KCNN2: variants seen among roughly 807,000 people sequenced by gnomAD.
KCNN2 encodes small conductance calcium-activated potassium channel protein 2.
In KCNN2, 24 loss-of-function variants were observed where a neutral mutation model predicts 55.5. The observed-to-expected ratio is 0.43, with a 90% CI of 0.31 to 0.61. KCNN2 has a LOEUF of 0.61. Among genes scored for constraint, KCNN2 ranks in the 20% least tolerant of loss-of-function variants. The probability of loss-of-function intolerance (pLI) is 0.08; values close to 1 mark genes in which losing one functional copy is unlikely to be tolerated. For missense variants in KCNN2, 754 were observed against 853.6 expected (o/e 0.88, Z 1.45); for synonymous variants, 431 against 336.1 (o/e 1.28, Z -3.09).
chr5:114,221,005 T>A (rs1306274050), intron 1 of KCNN2, among the ~76,000 whole-genome samples: 23 of 152,230 alleles, frequency 1.5e-4, no homozygotes, highest in Admixed American at 1.4e-3. Flanking sequence ...TCTCATACAG[T>A]GACCCAAGTA....
intron 2 of KCNN2, among the ~76,000 whole-genome samples, chr5:114,356,338 G>A (rs534413659): frequency 6.6e-6 from 1 of 152,258 alleles, no homozygotes; most frequent in Admixed American, 6.5e-5. Flanking sequence ...AAACTAGAAT[G>A]TGCTGTCTGC....
At chr5:114,165,061 G>A (rs910726018) in intron 1 of KCNN2, among the ~76,000 whole-genome samples, 2 of 152,216 alleles carry the variant, frequency 1.3e-5, no homozygotes, top group South Asian at 2.1e-4. Context: ...GTTAAAGGTC[G>A]GATACAAATC....
chr5:114,304,087 G>C (rs1018728200), intron 2 of KCNN2, among the ~76,000 whole-genome samples: 2 of 152,126 alleles, frequency 1.3e-5, no homozygotes, highest in African/African-American at 4.8e-5. Flanking sequence ...AATAGAGTTA[G>C]ACTAAGCTCT....
At chr5:114,443,963 T>G (rs1465080307) in intron 3 of KCNN2, among the ~76,000 whole-genome samples, 1 of 152,212 alleles carries the variant, frequency 6.6e-6, no homozygotes, top group Admixed American at 6.5e-5. Context: ...CTTTTCATTC[T>G]AAGCAGTGGG....
At chr5:114,228,714 ACTT>A (rs1754291047) in intron 2 of KCNN2, among the ~76,000 whole-genome samples, 1 of 152,048 alleles carries the variant, frequency 6.6e-6, no homozygotes, top group Non-Finnish European at 1.5e-5. Context: ...TCAGATTATG[ACTT>A]CTTCATAATT....
chr5:114,099,830 G>A (rs1751338802), intron 1 of KCNN2, among the ~76,000 whole-genome samples: 1 of 151,804 alleles, frequency 6.6e-6, no homozygotes, highest in Admixed American at 6.6e-5. Flanking sequence ...TTATATTTTT[G>A]ACATTAGAGA....
chr5:114,451,031 T>C (rs1007205874), intron 3 of KCNN2, among the ~76,000 whole-genome samples: 1 of 152,224 alleles, frequency 6.6e-6, no homozygotes, highest in African/African-American at 2.4e-5. Context: ...ACCGTCTGTG[T>C]TCTTATAGGT....
chr5:114,084,806 C>A (rs1249812946), intron 1 of KCNN2, among the ~76,000 whole-genome samples: 1 of 151,882 alleles, frequency 6.6e-6, no homozygotes, highest in Non-Finnish European at 1.5e-5. Context: ...GGTTTTACAA[C>A]TAGGTCTATG....
At chr5:114,056,864 G>C (rs565678706) in intron 1 of KCNN2, among the ~76,000 whole-genome samples, 1 of 151,844 alleles carries the variant, frequency 6.6e-6, no homozygotes, top group South Asian at 2.1e-4. Context: ...TCTTTTTCCT[G>C]TCTATGAAAA....
At chr5:114,112,247 A>C (rs1028942408) in intron 1 of KCNN2, among the ~76,000 whole-genome samples, 3 of 152,150 alleles carry the variant, frequency 2.0e-5, no homozygotes, top group African/African-American at 7.2e-5. Context: ...CAAACACTGC[A>C]TGTTCTCACT....
At chr5:114,093,401 C>T (rs916340663) in intron 1 of KCNN2, among the ~76,000 whole-genome samples, 1 of 152,172 alleles carries the variant, frequency 6.6e-6, no homozygotes, top group African/African-American at 2.4e-5. Context: ...TCTTCTGAGC[C>T]CTCCAAACTG....
At chr5:114,094,292 T>G (rs1751211197) in intron 1 of KCNN2, among the ~76,000 whole-genome samples, 1 of 152,114 alleles carries the variant, frequency 6.6e-6, no homozygotes, top group African/African-American at 2.4e-5. Flanking sequence ...ACAGAATAGA[T>G]TATCTGTAGA....
chr5:114,345,232 C>G (rs1299012465), intron 2 of KCNN2, among the ~76,000 whole-genome samples: 1 of 152,076 alleles, frequency 6.6e-6, no homozygotes, highest in Non-Finnish European at 1.5e-5. Flanking sequence ...GAATACACTA[C>G]TCTTTGTGGA....
chr5:114,336,887 G>A (rs1756932872), intron 2 of KCNN2, among the ~76,000 whole-genome samples: 1 of 152,174 alleles, frequency 6.6e-6, no homozygotes, highest in African/African-American at 2.4e-5. Context: ...GGGGAAGAGA[G>A]GCACAAGAAG....
intron 2 of KCNN2, among the ~76,000 whole-genome samples, chr5:114,336,718 T>C (rs969122095): frequency 1.3e-5 from 2 of 152,176 alleles, no homozygotes; most frequent in Non-Finnish European, 2.9e-5. Context: ...TCTTTGAGAA[T>C]GTAATATTAA....
chr5:114,385,651 T>C (rs1390435770), intron 2 of KCNN2, among the ~76,000 whole-genome samples: 1 of 152,094 alleles, frequency 6.6e-6, no homozygotes, highest in Non-Finnish European at 1.5e-5. Flanking sequence ...TATACCACTT[T>C]CACCCAGGTG....
At position 114,175,458 on chromosome 5, in the gene KCNN2, A is replaced by G. The variant is rs114320573; in HGVS notation, c.-270-46022A>G. Among the ~76,000 whole-genome samples the G allele has an allele frequency of 7.9e-3, 1,205 of 152,282 alleles. 18 individuals carry two copies. Among genetic ancestry groups the G allele is most frequent in the African/African-American group, 0.027 (1,122 of 41,572 alleles). ...GGTGTACATGTCAAAGGTAAATAACATTTATAATCACATATGGTGGGATCT... is the reference window on the plus strand; with the variant it reads ...GGTGTACATGTCAAAGGTAAATAACGTTTATAATCACATATGGTGGGATCT... On this transcript the variant is annotated intron_variant, in intron 1 of 10. Coordinates refer to the KCNN2 transcript ENST00000512097.
chr5:114,283,711 T>C (rs889383163), intron 2 of KCNN2, among the ~76,000 whole-genome samples: 6 of 152,136 alleles, frequency 3.9e-5, no homozygotes, highest in African/African-American at 1.2e-4. Flanking sequence ...ACAGGTTAGA[T>C]CATTTGAAAA....
At chr5:114,290,085 T>C (rs1755851688) in intron 2 of KCNN2, among the ~76,000 whole-genome samples, 2 of 152,210 alleles carry the variant, frequency 1.3e-5, no homozygotes, top group South Asian at 4.1e-4. Context: ...TCTTGTGGTG[T>C]CTTTATCTGG....
Sources: gnomAD v4.1 joint callset for allele counts (sites outside exome capture counted in the v4.1 genomes callset) on GRCh38, gnomAD v4.1.1 for gene constraint, MANE v1.5 for transcripts, NCBI Gene and HGNC (gene_info 2026-07-23, HGNC 2026-07-21) for gene names.